Variants in BLM observed in about 807,000 individuals in gnomAD.
BLM encodes the protein recQ-like DNA helicase BLM.
BLM carries 95 observed loss-of-function variants against 135.3 expected under a neutral mutation model. The observed-to-expected ratio is 0.70, with a 90% CI of 0.59 to 0.83. The LOEUF is 0.83. Among genes scored for constraint, BLM ranks in the 40% least tolerant of loss-of-function variants. The pLI is 0.00. For synonymous variants in BLM, 520 were observed against 589.2 expected (o/e 0.88, Z 1.70); for missense variants, 1,518 against 1,663.9 (o/e 0.91, Z 1.53).
intron 12 of BLM, among the ~76,000 whole-genome samples, chr15:90,771,369 C>T (rs775425633): frequency 7.9e-5 from 12 of 152,090 alleles, no homozygotes; most frequent in Admixed American, 1.3e-4. Flanking sequence ...CGCCTGTAAT[C>T]GCTGCTACTC....
At chr15:90,791,938 C>A (rs558144104) in intron 15 of BLM, among the ~76,000 whole-genome samples, 28 of 152,170 alleles carry the variant, frequency 1.8e-4, no homozygotes, top group Non-Finnish European at 3.2e-4. Context: ...CCACGCCCGG[C>A]CTTATAGGAT....
At position 90,760,806 on chromosome 15, in the gene BLM, G is replaced by A; in HGVS notation, c.1433G>A (p.Gly478Glu). 1 of 1,613,982 alleles carries A rather than the reference G, an allele frequency of 6.2e-7. No individual in the cohort carries two copies. Residue 478 changes from glycine to glutamate, a missense_variant, in exon 7 of 22, where the codon GGA (glycine) becomes GAA (glutamate). Gly to Glu is a moderately conservative substitution (Grantham distance 98). Around this residue, in one of 5 missense-constraint regions of BLM, gnomAD observed 724 missense variants for 756.9 expected, o/e 0.96. Transcript: ENST00000355112. Reference sequence around the variant, plus strand: ...CTGACTACCACCCTAGGAAAGACAGGATTCTCTGCCACCAGGAAGAATCTT... The same window carrying A: ...CTGACTACCACCCTAGGAAAGACAGAATTCTCTGCCACCAGGAAGAATCTT... Reference protein sequence around the residue: ...CLLTTTLGKTGFSATRKNLFE... With the variant: ...CLLTTTLGKTEFSATRKNLFE...
chr15:90,800,557 G>A (rs1160635568), intron 17 of BLM, among the ~76,000 whole-genome samples: 2 of 152,172 alleles, frequency 1.3e-5, no homozygotes, highest in African/African-American at 4.8e-5. Flanking sequence ...GCACACACCA[G>A]TAATCCCAGC....
intron 17 of BLM, among the ~76,000 whole-genome samples, chr15:90,800,726 AAG>A (rs1897145950): frequency 9.2e-6 from 1 of 109,190 alleles, no homozygotes; most frequent in Non-Finnish European, 2.2e-5. Context: ...GAGAGAGAGT[AAG>A]AAAGGAATGG....
intron 16 of BLM, among the ~76,000 whole-genome samples, chr15:90,796,239 GA>G (rs1897025094): frequency 6.6e-6 from 1 of 152,142 alleles, no homozygotes; most frequent in African/African-American, 2.4e-5. Context: ...ATCTAATATT[GA>G]ATTACATATT....
At chr15:90,727,795 T>C (rs1328326854) in intron 1 of BLM, among the ~76,000 whole-genome samples, 3 of 152,026 alleles carry the variant, frequency 2.0e-5, no homozygotes, top group Non-Finnish European at 4.4e-5. Context: ...CCTTAAAGTG[T>C]TGATGATATA....
Position 90,799,626 on chromosome 15 carries a change from T to TAAAAAA in BLM, c.3358+1309_3358+1314dup, listed in dbSNP as rs10600094. 2.1e-3 allele frequency among the ~76,000 whole-genome samples: 225 copies of TAAAAAA among 108,694 alleles called. 1 individual carries two copies. The highest frequency in any genetic ancestry group is 8.1e-3 in the African/African-American group (218 of 26,788). The allele number at this position is 108,694 out of a possible 152,430, so 71.3% of individuals were successfully genotyped here. ...CACTGAATGCCAAATAAGATGCCTG[T>TAAAAAA]AAAAAAAAAAAAAAAAAAAAAAAAA... On this transcript the variant is annotated intron_variant, in intron 17 of 21. Coordinates refer to ENST00000355112, the MANE Select transcript of BLM (RefSeq NM_000057.4).
At chr15:90,731,991 C>T (rs1425650935) in intron 1 of BLM, among the ~76,000 whole-genome samples, 5 of 152,142 alleles carry the variant, frequency 3.3e-5, no homozygotes, top group South Asian at 2.1e-4. Flanking sequence ...TGAGCCAATG[C>T]GTCTGACCCT....
intron 19 of BLM, among the ~76,000 whole-genome samples, chr15:90,806,078 T>TA (rs983802918): frequency 2.6e-5 from 4 of 152,154 alleles, no homozygotes; most frequent in African/African-American, 7.2e-5. Context: ...TCCAAATCAG[T>TA]AAAAAAAATT....
chr15:90,771,595 A>ATT (rs760752305), intron 12 of BLM, among the ~76,000 whole-genome samples: 25 of 125,284 alleles, frequency 2.0e-4, no homozygotes, highest in Non-Finnish European at 2.6e-4. Context: ...TTGATCTATA[A>ATT]TTTTTTTTTT....
At chr15:90,745,347 A>G (rs1425770396) in intron 1 of BLM, among the ~76,000 whole-genome samples, 2 of 152,236 alleles carry the variant, frequency 1.3e-5, no homozygotes, top group East Asian at 1.9e-4. Context: ...GAAGGTGGTG[A>G]AAGAATGAAT....
intron 8 of BLM, 99 bp downstream of exon 8, chr15:90,763,256 T>C (rs1896035874): frequency 7.9e-7 from 1 of 1,272,888 alleles, no homozygotes; most frequent in Non-Finnish European, 1.1e-6. Context: ...AGTATTTCTA[T>C]CATTTAGGGA....
chr15:90,812,768 C>A (rs1897455332), intron 21 of BLM, among the ~76,000 whole-genome samples: 1 of 152,180 alleles, frequency 6.6e-6, no homozygotes, highest in African/African-American at 2.4e-5. Flanking sequence ...CAGACATTAC[C>A]AAATTGTCAT....
intron 19 of BLM, among the ~76,000 whole-genome samples, chr15:90,805,915 G>A (rs529223545): frequency 7.0e-4 from 106 of 151,884 alleles, no homozygotes; most frequent in Admixed American, 1.2e-3. Flanking sequence ...GCTGTGTTAT[G>A]TACAAATATC....
intron 1 of BLM, among the ~76,000 whole-genome samples, chr15:90,721,237 T>A (rs999532594): frequency 2.0e-5 from 3 of 152,208 alleles, no homozygotes; most frequent in Admixed American, 1.3e-4. Context: ...GTTGTGTTTA[T>A]ATTCCCTGAA....
intron 14 of BLM, among the ~76,000 whole-genome samples, chr15:90,787,964 A>G (rs1207035563): frequency 4.0e-5 from 6 of 151,348 alleles, no homozygotes; most frequent in Non-Finnish European, 8.8e-5. Flanking sequence ...AAAAAAAAAG[A>G]AAGAAAAATT....
chr15:90,765,120 A>G lies in BLM; in HGVS notation c.2075-176A>G, dbSNP rs28385025. On this transcript the variant is annotated intron_variant, in intron 8 of 21. Transcript: ENST00000355112. The stretch of plus-strand genomic sequence containing the variant: ...CACTTTTTTTTTAAAGATCATTTTT[A>G]CACATTATTTAAATTGCCTAAATAT... Among the ~76,000 whole-genome samples the G allele has an allele frequency of 0.059, 8,913 of 152,212 alleles. 356 individuals are homozygous for G. Among genetic ancestry groups the G allele is most frequent in the Non-Finnish European group, 0.077 (5,235 of 67,996 alleles).
chr15:90,773,640 C>T (rs779195807), intron 12 of BLM, among the ~76,000 whole-genome samples: 3 of 149,822 alleles, frequency 2.0e-5, no homozygotes, highest in Non-Finnish European at 4.4e-5. Flanking sequence ...TACTTTCTCA[C>T]TTTCCCCATT....
At chr15:90,763,189 T>TCC in intron 8 of BLM, 32 bp downstream of exon 8, 1 of 1,603,538 alleles carries the variant, frequency 6.2e-7, no homozygotes, top group Non-Finnish European at 8.5e-7. Context: ...TTGGCAGGAA[T>TCC]CCATTGGCAG....
Sources: gnomAD v4.1 joint callset for allele counts (sites outside exome capture counted in the v4.1 genomes callset) on GRCh38, gnomAD v4.1.1 for gene constraint, gnomAD v4.1.1 regional missense constraint, MANE v1.5 for transcripts, NCBI Gene and HGNC (gene_info 2026-07-23, HGNC 2026-07-21) for gene names.